Variants in NKIRAS1 observed in about 807,000 individuals in gnomAD.
NKIRAS1 encodes NF-kappa-B inhibitor-interacting Ras-like protein 1.
NKIRAS1 carries 16 observed loss-of-function variants against 19.8 expected under a neutral mutation model. The observed-to-expected ratio is 0.81, with a 90% CI of 0.55 to 1.23. The LOEUF (loss-of-function observed/expected upper bound fraction) is 1.23, where lower values mean the gene tolerates loss of function less well. Among genes scored for constraint, NKIRAS1 ranks in the 50% most tolerant of loss-of-function variants. The pLI, the probability that NKIRAS1 is intolerant of heterozygous loss-of-function variation, is 0.00. For missense variants in NKIRAS1, 184 were observed against 220.0 expected, an observed-to-expected ratio of 0.84 and a Z score of 1.04; for synonymous variants, 88 against 79.0, an observed-to-expected ratio of 1.11 and a Z score of -0.61.
intron 3 of NKIRAS1, among the ~76,000 whole-genome samples, chr3:23,908,847 T>C (rs975854563): frequency 1.2e-5 from 1 of 86,924 alleles, no homozygotes; most frequent in African/African-American, 4.7e-5. Context: ...TCTTTCTTTC[T>C]TTTTTTTTTT....
At chr3:23,910,224 CTTGG>C (rs1703548047) in intron 3 of NKIRAS1, among the ~76,000 whole-genome samples, 1 of 141,864 alleles carries the variant, frequency 7.0e-6, no homozygotes, top group African/African-American at 2.7e-5. Flanking sequence ...GTAACACCAT[CTTGG>C]CTCACTGCAA....
chr3:23,905,357 T>C (rs985417474), intron 3 of NKIRAS1, among the ~76,000 whole-genome samples: 2 of 152,236 alleles, frequency 1.3e-5, no homozygotes, highest in Non-Finnish European at 2.9e-5. Context: ...TACTTTTTGA[T>C]CCATGTGGAG....
At chr3:23,911,765 CTTTT>C (rs535208116) in intron 1 of NKIRAS1, among the ~76,000 whole-genome samples, 6 of 138,134 alleles carry the variant, frequency 4.3e-5, no homozygotes, top group African/African-American at 1.3e-4. Flanking sequence ...GTCACGTGGG[CTTTT>C]TTTTTTTTTT....
chr3:23,941,620 T>C (rs1705499072), intron 1 of NKIRAS1, among the ~76,000 whole-genome samples: 1 of 152,100 alleles, frequency 6.6e-6, no homozygotes, highest in South Asian at 2.1e-4. Context: ...AAAAGGCAAT[T>C]TCCACCGCAG....
intron 1 of NKIRAS1, chr3:23,945,492 C>CCGGGG (rs1227598903): frequency 2.4e-6 from 2 of 850,212 alleles, no homozygotes; most frequent in East Asian, 6.2e-5. Context: ...TGCTTCCAGC[C>CCGGGG]CGGGGCGGCG....
chr3:23,912,855 A>G (rs1467736378), intron 1 of NKIRAS1, among the ~76,000 whole-genome samples: 1 of 152,126 alleles, frequency 6.6e-6, no homozygotes, highest in Non-Finnish European at 1.5e-5. Flanking sequence ...GCGGTGGCTC[A>G]TGCCTGTAAT....
At chr3:23,907,536 T>G (rs1703196588) in intron 3 of NKIRAS1, among the ~76,000 whole-genome samples, 1 of 152,214 alleles carries the variant, frequency 6.6e-6, no homozygotes, top group Non-Finnish European at 1.5e-5. Flanking sequence ...TTCATACTAC[T>G]ACCAAAGCCA....
chr3:23,941,796 G>A (rs892673809), intron 1 of NKIRAS1, among the ~76,000 whole-genome samples: 1 of 152,082 alleles, frequency 6.6e-6, no homozygotes. Context: ...TAGGAAGAAG[G>A]CAGCCTCTAA....
intron 1 of NKIRAS1, chr3:23,946,059 C>T (rs1705687737): frequency 1.0e-6 from 1 of 973,998 alleles, no homozygotes; most frequent in African/African-American, 1.8e-5. Flanking sequence ...GCTGGGAGCG[C>T]CGCAGCCTCC....
At chr3:23,939,572 T>C (rs1559517390) in intron 1 of NKIRAS1, among the ~76,000 whole-genome samples, 2 of 152,050 alleles carry the variant, frequency 1.3e-5, no homozygotes, top group African/African-American at 4.8e-5. Context: ...TAAAACCCCG[T>C]CTCTATTAAA....
At chr3:23,893,798 C>CAAAAAAA (rs58905555) in intron 4 of NKIRAS1, among the ~76,000 whole-genome samples, 1 of 81,536 alleles carries the variant, frequency 1.2e-5, no homozygotes, top group Non-Finnish European at 2.3e-5. Context: ...GACTCCATCT[C>CAAAAAAA]AAAAAAAAAA....
At chr3:23,942,349 A>G (rs1406086938) in intron 1 of NKIRAS1, among the ~76,000 whole-genome samples, 1 of 152,242 alleles carries the variant, frequency 6.6e-6, no homozygotes, top group Non-Finnish European at 1.5e-5. Context: ...TTCTCCCACT[A>G]TCAAACATCC....
chr3:23,921,951 C>G (rs547224297), upstream of NKIRAS1: 151 of 239,598 alleles, frequency 6.3e-4, no homozygotes, highest in Non-Finnish European at 1.3e-4. Flanking sequence ...TCAAGCAATC[C>G]TGCCTTGGCC....
Position 23,892,946 on chromosome 3 carries a change from C to CT in NKIRAS1, c.*148dup. On this transcript the variant is annotated 3_prime_UTR_variant, in exon 5 of 5. Coordinates refer to ENST00000425478, the MANE Select transcript of NKIRAS1 (RefSeq NM_020345.4). ...ACCTTAGCCCAAATACTTTTAACAT[C>CT]TAAAGTGCATTAATTGACTTCCTTA... The CT allele has an allele frequency of 1.5e-6, 1 of 649,748 alleles. No individual in the cohort carries two copies. 40.2% of individuals were successfully genotyped at this position (649,748 alleles called of 1,614,324 possible).
At chr3:23,908,072 T>A (rs1241816318) in intron 3 of NKIRAS1, among the ~76,000 whole-genome samples, 1 of 152,202 alleles carries the variant, frequency 6.6e-6, no homozygotes, top group Non-Finnish European at 1.5e-5. Context: ...CAGAATTGTA[T>A]CCATCATCAT....
chr3:23,946,208 G>T, intron 1 of NKIRAS1: 1 of 985,426 alleles, frequency 1.0e-6, no homozygotes, highest in Non-Finnish European at 1.2e-6. Flanking sequence ...CCCGAAGCGG[G>T]CGCTGACACC....
In NKIRAS1 at chr3:23,890,787, T is replaced by C. The variant is rs953943691; in HGVS notation, c.*2308A>G. 15 of 484,490 alleles carry C rather than the reference T, an allele frequency of 3.1e-5. No homozygotes were observed. The highest frequency in any genetic ancestry group is 1.0e-4 in the African/African-American group (5 of 49,898). The allele number at this position is 484,490 out of a possible 1,614,324, so 30.0% of individuals were successfully genotyped here. A position where few individuals can be genotyped will look rare whatever the true frequency, so the allele number is the denominator to read the frequency against. ...AGGTATCTTGCTACAGTAGACAGAA[T>C]TGGTAATAGCAACTTTTAAAATTGT... On this transcript the variant is annotated 3_prime_UTR_variant, in exon 5 of 5. Coordinates refer to ENST00000425478, the MANE Select transcript of NKIRAS1 (RefSeq NM_020345.4).
rs1441793295 is a variant in NKIRAS1, at chr3:23,933,660, G to A, written c.-140+12663C>T. 2.0e-5 allele frequency among the ~76,000 whole-genome samples: 3 copies of A among 151,722 alleles called. No individual in the cohort carries two copies. The South Asian group carries it at 6.2e-4, about 31-fold the overall frequency. ...ACTCCTACTCCCCACTTTTTTTTTGGTCCTGCTTTTTTATACGTGCATTCT... is the reference window on the plus strand; with the variant it reads ...ACTCCTACTCCCCACTTTTTTTTTGATCCTGCTTTTTTATACGTGCATTCT... On this transcript the variant is annotated intron_variant, in intron 1 of 4. Coordinates refer to the NKIRAS1 transcript ENST00000421515.
At chr3:23,895,588 A>G (rs1701896612) in intron 4 of NKIRAS1, among the ~76,000 whole-genome samples, 1 of 152,160 alleles carries the variant, frequency 6.6e-6, no homozygotes, top group Non-Finnish European at 1.5e-5. Flanking sequence ...AAATTTAACT[A>G]TTAACCAGAC....
Sources: gnomAD v4.1 joint callset for allele counts (sites outside exome capture counted in the v4.1 genomes callset) on GRCh38, gnomAD v4.1.1 for gene constraint, MANE v1.5 for transcripts, NCBI Gene and HGNC (gene_info 2026-07-23, HGNC 2026-07-21) for gene names.